GLB1: variants seen among roughly 807,000 people sequenced by gnomAD.
GLB1 encodes beta-galactosidase.
In GLB1, 56 loss-of-function variants were observed where a neutral mutation model predicts 74.0. The observed-to-expected ratio is 0.76, with a 90% CI of 0.61 to 0.94. The LOEUF (loss-of-function observed/expected upper bound fraction) is 0.94, where lower values mean the gene tolerates loss of function less well. Among genes scored for constraint, GLB1 ranks in the 40% least tolerant of loss-of-function variants. GLB1 has a pLI of 0.00. For synonymous variants in GLB1, 323 were observed against 323.6 expected, an observed-to-expected ratio of 1.00 and a Z score of 0.02; for missense variants, 787 against 845.5, an observed-to-expected ratio of 0.93 and a Z score of 0.86.
At chr3:33,029,608 T>C (rs1413535417) in intron 10 of GLB1, among the ~76,000 whole-genome samples, 1 of 152,174 alleles carries the variant, frequency 6.6e-6, no homozygotes, top group Admixed American at 6.5e-5. Flanking sequence ...CACCATGGAA[T>C]ACTATGCAGC....
At chr3:33,041,468 C>T (rs1698496254) in intron 10 of GLB1, among the ~76,000 whole-genome samples, 1 of 151,954 alleles carries the variant, frequency 6.6e-6, no homozygotes. Flanking sequence ...TCAAGACCAG[C>T]CTGGTCAACA....
rs1377472396 is a variant in GLB1 at position 33,080,092 on chromosome 3, G to GT, written c.76-7380dup. On this transcript the variant is annotated intron_variant, in intron 1 of 15. Transcript: ENST00000307363. ...AGCCACTGTGCCCAGCCTGAAAACT[G>GT]TTTTTTTTTGTTTGTTTGTTTGTTT... is the stretch of plus-strand genomic sequence containing the variant. Among the ~76,000 whole-genome samples, 698 of 137,872 alleles carry GT rather than the reference G, an allele frequency of 5.1e-3. 5 individuals carry two copies. Among genetic ancestry groups the GT allele is most frequent in the South Asian group, 0.02 (88 of 4,422 alleles). The allele number at this position is 137,872 out of a possible 152,430, so 90.4% of individuals were successfully genotyped here.
At chr3:32,972,706 T>C in the GLB1 span, among the ~76,000 whole-genome samples, 1 of 152,186 alleles carries the variant, frequency 6.6e-6, no homozygotes, top group Non-Finnish European at 1.5e-5. Flanking sequence ...ATAATGGTGC[T>C]TTCTATTAAC....
At chr3:33,007,032 C>A (rs1342200452) in intron 15 of GLB1, among the ~76,000 whole-genome samples, 1 of 152,180 alleles carries the variant, frequency 6.6e-6, no homozygotes, top group Non-Finnish European at 1.5e-5. Flanking sequence ...TCTGCCTGTT[C>A]TGAGGTGGCT....
At chr3:33,062,889 G>A (rs1301165688) in intron 5 of GLB1, among the ~76,000 whole-genome samples, 3 of 152,194 alleles carry the variant, frequency 2.0e-5, no homozygotes, top group South Asian at 4.1e-4. Flanking sequence ...AGAGCCGTTC[G>A]GTGGGTATGT....
chr3:33,064,690 T>C (rs777054435), intron 5 of GLB1, among the ~76,000 whole-genome samples: 4 of 141,092 alleles, frequency 2.8e-5, no homozygotes, highest in Admixed American at 1.6e-4. Flanking sequence ...GGTGGGAGAA[T>C]TGCCTGAACT....
chr3:33,094,822 C>T (rs147998803), intron 1 of GLB1, among the ~76,000 whole-genome samples: 77 of 152,336 alleles, frequency 5.1e-4, no homozygotes, highest in African/African-American at 1.8e-3. Context: ...TGCAACTCTT[C>T]ACCCTAAAAT....
intron 5 of GLB1, among the ~76,000 whole-genome samples, chr3:33,062,423 CTCCCAAAG>C (rs1699479402): frequency 6.6e-6 from 1 of 152,220 alleles, no homozygotes; most frequent in Non-Finnish European, 1.5e-5. Flanking sequence ...CTGCCTCGGC[CTCCCAAAG>C]TGCTGGGATT....
chr3:33,093,645 G>A lies in GLB1; in HGVS notation c.75+3366C>T, dbSNP rs1469329488. 3.1e-6 allele frequency: 5 copies of A among 1,614,186 alleles called. No homozygotes were observed. Among genetic ancestry groups the A allele is most frequent in the Non-Finnish European group, 4.2e-6 (5 of 1,180,038 alleles). ...AGTTTTCACAGCCGGGGGCTGCGCG[G>A]CATTCAGAATCCCGGCCACGCTGAG... On this transcript the variant is annotated intron_variant, in intron 1 of 15. Coordinates refer to ENST00000307363, the MANE Select transcript of GLB1 (RefSeq NM_000404.4). The surrounding 1 kb of genome is among the most constrained non-coding windows in gnomAD (Gnocchi z 6.0).
chr3:33,071,295 C>A (rs547972403), intron 2 of GLB1, among the ~76,000 whole-genome samples: 4 of 152,180 alleles, frequency 2.6e-5, no homozygotes, highest in African/African-American at 7.2e-5. Context: ...GAATAATGAG[C>A]GCATTCTCCC....
At chr3:33,005,223 C>A (rs960632480) in intron 15 of GLB1, among the ~76,000 whole-genome samples, 3 of 152,108 alleles carry the variant, frequency 2.0e-5, no homozygotes, top group African/African-American at 4.8e-5. Context: ...TTATGAATAA[C>A]AAAAGACACT....
chr3:33,066,130 C>T (rs941245384), intron 4 of GLB1, among the ~76,000 whole-genome samples: 9 of 152,150 alleles, frequency 5.9e-5, no homozygotes, highest in Non-Finnish European at 1.2e-4. Flanking sequence ...GTCTCCTCAG[C>T]TGAGCTCCTC....
chr3:32,985,071 C>T, the GLB1 span, among the ~76,000 whole-genome samples: 12 of 145,756 alleles, frequency 8.2e-5, no homozygotes, highest in Non-Finnish European at 1.6e-4. Context: ...TGCCACTGCA[C>T]TCCAGCCTGG....
At chr3:33,076,670 C>A (rs1280246539) in intron 1 of GLB1, among the ~76,000 whole-genome samples, 2 of 152,010 alleles carry the variant, frequency 1.3e-5, no homozygotes, top group Admixed American at 6.6e-5. Flanking sequence ...AGAGAGCGAG[C>A]ATGTGAGAGA....
At chr3:32,973,337 T>C in the GLB1 span, among the ~76,000 whole-genome samples, 1 of 152,046 alleles carries the variant, frequency 6.6e-6, no homozygotes, top group Non-Finnish European at 1.5e-5. Context: ...GCAAACATAA[T>C]TGCATTTTTT....
At chr3:33,072,259 T>A (rs1432331570) in intron 2 of GLB1, among the ~76,000 whole-genome samples, 14 of 152,230 alleles carry the variant, frequency 9.2e-5, no homozygotes, top group Non-Finnish European at 2.1e-4. Context: ...GTGCCCTGTA[T>A]CTGGTAAGTG....
intron 10 of GLB1, among the ~76,000 whole-genome samples, chr3:33,031,410 A>G (rs1455971684): frequency 6.6e-6 from 1 of 151,588 alleles, no homozygotes; most frequent in Non-Finnish European, 1.5e-5. Flanking sequence ...TTGGGAGGCC[A>G]AGGCGGGTGG....
rs72555362 is a variant in GLB1, at chr3:33,051,979, C to A, written c.818G>T (p.Trp273Leu). Residue 273 changes from tryptophan (W) to leucine (L), a missense_variant, in exon 8 of 16, where the codon TGG (tryptophan) becomes TTG (leucine). Trp to Leu is a moderately conservative substitution (Grantham distance 61, BLOSUM62 -2). Transcript: ENST00000307363. ...GTGAGGTTGGCCCCAGTGATCTAGC[C>A]AGCCAGTATAGAATTCAGAATTGAT... Reference protein sequence around the residue: ...PLINSEFYTGWLDHWGQPHST... With the variant: ...PLINSEFYTGLLDHWGQPHST... The A allele has an allele frequency of 3.3e-5, 53 of 1,614,050 alleles. No individual in the cohort carries two copies. The highest frequency in any genetic ancestry group is 1.2e-4 in the Admixed American group (7 of 60,004).
intron 5 of GLB1, among the ~76,000 whole-genome samples, chr3:33,061,399 GA>G (rs1699437068): frequency 6.6e-6 from 1 of 151,984 alleles, no homozygotes. Flanking sequence ...GGGTGACAGA[GA>G]AAACAAACAA....
Sources: gnomAD v4.1 joint callset for allele counts (sites outside exome capture counted in the v4.1 genomes callset) on GRCh38, gnomAD v4.1.1 for gene constraint, Gnocchi (gnomAD v3.1) non-coding constraint, MANE v1.5 for transcripts, NCBI Gene and HGNC (gene_info 2026-07-23, HGNC 2026-07-21) for gene names.